The following CAMSAP1 variants were observed in gnomAD, a reference collection of about 807,000 sequenced individuals.
The protein encoded by CAMSAP1 is calmodulin-regulated spectrin-associated protein 1.
In CAMSAP1, 58 loss-of-function variants were observed where a neutral mutation model predicts 143.5. The ratio of observed to expected loss-of-function variants is 0.40; its 90% confidence interval spans 0.33 to 0.50. The LOEUF (loss-of-function observed/expected upper bound fraction) is 0.50. Among genes scored for constraint, CAMSAP1 ranks in the 20% least tolerant of loss-of-function variants. CAMSAP1 has a pLI of 0.45. For synonymous variants in CAMSAP1, 945 were observed against 859.3 expected, an observed-to-expected ratio of 1.10 and a Z score of -1.74; for missense variants, 1,969 against 2,115.7, an observed-to-expected ratio of 0.93 and a Z score of 1.36.
Position 135,821,777 on chromosome 9 carries a change from C to A in CAMSAP1, c.2884G>T (p.Glu962Ter). 6.2e-7 allele frequency: 1 copy of A among 1,613,990 alleles called. No individual in the cohort carries two copies. The change falls in exon 11 of 17, where the codon GAG (glutamate) becomes TAG (stop). Residue 962 changes from glutamate (E) to a stop codon, truncating the protein, a stop_gained. Transcript: ENST00000389532. LOFTEE classifies it high-confidence loss of function. This position sits in a 1 kb window ranked among gnomAD's most constrained non-coding sequence, Gnocchi z 4.6. ...TCGTGAAGGAGCTCCTCTCTCTGCT[C>A]CTCCTTCACGAGAAAGTCTTCGGTT... ...SKTEDFLVKE[E>*]QREELLHEPQ...
At chr9:135,850,510 CGAGA>C (rs199548741) in intron 5 of CAMSAP1, 49 bp from the exon 6 acceptor site, 7 of 1,440,322 alleles carry the variant, frequency 4.9e-6, no homozygotes, top group Middle Eastern at 2.1e-4. Flanking sequence ...TATTCTGCTT[CGAGA>C]GAGAGAGAAG....
At chr9:135,813,477 G>A (rs1835124057) in intron 16 of CAMSAP1, among the ~76,000 whole-genome samples, 1 of 152,162 alleles carries the variant, frequency 6.6e-6, no homozygotes, top group Non-Finnish European at 1.5e-5. Flanking sequence ...GTTTAAATAT[G>A]AACAGAATTA....
In CAMSAP1 at chr9:135,896,010, T is replaced by C. The variant is rs1031552113; in HGVS notation, c.160+10990A>G. ...GAGGAAACAAACAGAAAACAAACTATAAAATGTCAGACTCAAGTCCTAACG... is the reference window on the plus strand; with the variant it reads ...GAGGAAACAAACAGAAAACAAACTACAAAATGTCAGACTCAAGTCCTAACG... On this transcript the variant is annotated intron_variant, in intron 1 of 16. Coordinates refer to ENST00000389532, the MANE Select transcript of CAMSAP1 (RefSeq NM_015447.4). Among the ~76,000 whole-genome samples, 13 of 152,164 alleles carry C rather than the reference T, an allele frequency of 8.5e-5. 1 individual carries two copies. In the East Asian group the frequency reaches 2.3e-3, roughly 27 times the overall value.
chr9:135,888,456 G>A (rs915383467), intron 1 of CAMSAP1, among the ~76,000 whole-genome samples: 73 of 152,274 alleles, frequency 4.8e-4, no homozygotes, highest in African/African-American at 1.6e-3. Context: ...CCTAAAGCCA[G>A]CTACTCCCGT....
At chr9:135,815,281 A>C in intron 15 of CAMSAP1, 66 bp from the exon 16 acceptor site, 1 of 1,033,878 alleles carries the variant, frequency 9.7e-7, no homozygotes, top group Non-Finnish European at 1.4e-6. Flanking sequence ...AAAAAAGAAA[A>C]CCAGCAATGT....
At position 135,870,499 on chromosome 9, in the gene CAMSAP1, A is replaced by G. The variant is rs547071015; in HGVS notation, c.586-3963T>C. On this transcript the variant is annotated intron_variant, in intron 3 of 16. Coordinates refer to ENST00000389532, the MANE Select transcript of CAMSAP1 (RefSeq NM_015447.4). Reference sequence around the variant, plus strand: ...TACAACACCCTTATGAATATATTAAAAACTACTGACTAGGCCAGGCACAGT... The same window carrying G: ...TACAACACCCTTATGAATATATTAAGAACTACTGACTAGGCCAGGCACAGT... 5.9e-5 allele frequency among the ~76,000 whole-genome samples: 9 copies of G among 152,320 alleles called. No homozygotes were observed. The South Asian group carries it at 1.4e-3, about 25-fold the overall frequency.
At chr9:135,875,419 C>G (rs1198852610) in intron 3 of CAMSAP1, among the ~76,000 whole-genome samples, 2 of 152,088 alleles carry the variant, frequency 1.3e-5, no homozygotes, top group Non-Finnish European at 2.9e-5. Context: ...CCATGTTAGG[C>G]AGGCTGGTCT....
chr9:135,853,032 A>T (rs2130909894), intron 5 of CAMSAP1, among the ~76,000 whole-genome samples: 1 of 152,314 alleles, frequency 6.6e-6, no homozygotes, highest in African/African-American at 2.4e-5. Context: ...TCTCCCCACA[A>T]ATTACTAATG....
intron 3 of CAMSAP1, among the ~76,000 whole-genome samples, chr9:135,872,182 G>T (rs897128770): frequency 1.3e-4 from 19 of 151,970 alleles, no homozygotes; most frequent in African/African-American, 4.3e-4. Context: ...CAACAAAAAT[G>T]GAAATTATGT....
chr9:135,887,413 GAAGT>G (rs1010915349), intron 1 of CAMSAP1, among the ~76,000 whole-genome samples: 37 of 152,334 alleles, frequency 2.4e-4, no homozygotes, highest in African/African-American at 8.4e-4. Context: ...CAGAAGGAAG[GAAGT>G]GAGAACAGCG....
chr9:135,836,911 C>G, intron 7 of CAMSAP1: 1 of 984,128 alleles, frequency 1.0e-6, no homozygotes, highest in Non-Finnish European at 1.2e-6. Flanking sequence ...TCTACAGACA[C>G]ACGTCACCAC....
chr9:135,888,763 T>A (rs1838204540), intron 1 of CAMSAP1, among the ~76,000 whole-genome samples: 1 of 152,164 alleles, frequency 6.6e-6, no homozygotes. Context: ...AAGCGACCAG[T>A]AGTCCACGCC....
chr9:135,879,002 T>C (rs1335133530), intron 3 of CAMSAP1, among the ~76,000 whole-genome samples: 1 of 152,078 alleles, frequency 6.6e-6, no homozygotes, highest in Non-Finnish European at 1.5e-5. Context: ...GAAAGGAACA[T>C]GAGTTGTGAA....
intron 1 of CAMSAP1, among the ~76,000 whole-genome samples, chr9:135,892,911 A>G (rs1037996004): frequency 1.3e-5 from 2 of 148,218 alleles, no homozygotes; most frequent in African/African-American, 5.0e-5. Context: ...GCTCACATCT[A>G]TAATCTCAAC....
At chr9:135,827,680 T>A (rs1180707825) in intron 7 of CAMSAP1, 96 bp from the exon 8 acceptor site, 14 of 1,197,774 alleles carry the variant, frequency 1.2e-5, no homozygotes, top group Non-Finnish European at 1.4e-5. Context: ...CTCAACCTTT[T>A]ATTGAAACCA....
chr9:135,862,486 T>C lies in CAMSAP1; in HGVS notation c.789A>G (p.Pro263=). 1.9e-6 allele frequency: 3 copies of C among 1,551,686 alleles called. No homozygotes were observed. Among genetic ancestry groups the C allele is most frequent in the Non-Finnish European group, 2.6e-6 (3 of 1,147,000 alleles). ...ALLAVIHYYC[P]EQMKLDDICL... ...ACTCACCATCCAGTTTCATCTGCTC[T>C]GGGCAATAATAGTGAATCACAGCTA... The change falls in exon 5 of 17, where the codon CCA becomes CCG. Residue 263 remains proline (P), a synonymous_variant. Coordinates refer to ENST00000389532, the MANE Select transcript of CAMSAP1 (RefSeq NM_015447.4).
Position 135,824,643 on chromosome 9 carries a change from G to A in CAMSAP1, c.1315+146C>T. 3.1e-6 allele frequency: 2 copies of A among 637,802 alleles called. No homozygotes were observed. Among genetic ancestry groups the A allele is most frequent in the Non-Finnish European group, 5.2e-6 (2 of 387,728 alleles). The allele number at this position is 637,802 out of a possible 1,614,324, so 39.5% of individuals were successfully genotyped here. On this transcript the variant is annotated intron_variant, in intron 9 of 16. Coordinates refer to ENST00000389532, the MANE Select transcript of CAMSAP1 (RefSeq NM_015447.4). The surrounding 1 kb of genome is among the most constrained non-coding windows in gnomAD (Gnocchi z 4.1). ...TCGCGCCACAGCACTTCAGCCTGGT[G>A]ACAGAGCAAGACTCCATCTCAAAAA... is the stretch of plus-strand genomic sequence containing the variant.
At chr9:135,856,117 G>A (rs989152588) in intron 5 of CAMSAP1, among the ~76,000 whole-genome samples, 8 of 152,124 alleles carry the variant, frequency 5.3e-5, no homozygotes, top group African/African-American at 1.4e-4. Flanking sequence ...AAGCTTAAGA[G>A]AACTAGGTCT....
At chr9:135,812,307 G>A (rs1358581211) in intron 16 of CAMSAP1, among the ~76,000 whole-genome samples, 1 of 152,144 alleles carries the variant, frequency 6.6e-6, no homozygotes, top group Admixed American at 6.6e-5. Flanking sequence ...CATGGGGTCG[G>A]AGCATGCAAT....
Sources: gnomAD v4.1 joint callset for allele counts (sites outside exome capture counted in the v4.1 genomes callset) on GRCh38, gnomAD v4.1.1 for gene constraint, Gnocchi (gnomAD v3.1) non-coding constraint, MANE v1.5 for transcripts, NCBI Gene and HGNC (gene_info 2026-07-23, HGNC 2026-07-21) for gene names.